The following UTP14A variants were observed in gnomAD, a reference collection of about 807,000 sequenced individuals.
UTP14A encodes U3 small nucleolar RNA-associated protein 14 homolog A.
Under a neutral mutation model 57.2 loss-of-function variants are expected in UTP14A, and 5 were observed. The ratio of observed to expected loss-of-function variants is 0.09; its 90% CI spans 0.05 to 0.18. The LOEUF is 0.18. Ranked by LOEUF, UTP14A falls within the 10% of genes least tolerant of loss-of-function variation. UTP14A has a pLI of 1.00. For missense variants in UTP14A, 430 were observed against 562.1 expected (o/e 0.76, Z 2.38); for synonymous variants, 169 against 210.9 (o/e 0.80, Z 1.72).
At chrX:129,908,023 C>T (rs765769680) in intron 2 of UTP14A, 37 bp from the exon 3 acceptor site, 73 of 1,099,138 alleles carry the variant, frequency 6.6e-5, no homozygotes, top group Non-Finnish European at 8.5e-5. Context: ...TTTTCCCTCC[C>T]CCTCATCCTG....
At chrX:129,917,412 C>T in intron 6 of UTP14A, among the ~76,000 whole-genome samples, 1 of 111,589 alleles carries the variant, frequency 9.0e-6, no homozygotes, top group Admixed American at 9.6e-5. Context: ...TTGAAGAAAA[C>T]CACACATAAT....
At position 129,917,973 on chromosome X, in the gene UTP14A, C is replaced by T. The variant is rs569428017; in HGVS notation, c.538-1202C>T. Among the ~76,000 whole-genome samples, 9 of 112,578 alleles carry T rather than the reference C, an allele frequency of 8.0e-5. No homozygotes were observed. In the South Asian group the frequency reaches 1.1e-3, roughly 13 times the overall value. ...CATCAGTAATTAATGATACCAAGAACACTTATATGCATGGTTTATAGCAGT... is the reference window on the plus strand; with the variant it reads ...CATCAGTAATTAATGATACCAAGAATACTTATATGCATGGTTTATAGCAGT... On this transcript the variant is annotated intron_variant, in intron 6 of 14. Transcript: ENST00000394422.
At chrX:129,914,106 G>A (rs1014281771) in intron 6 of UTP14A, among the ~76,000 whole-genome samples, 1 of 111,968 alleles carries the variant, frequency 8.9e-6, no homozygotes, top group South Asian at 3.7e-4. Context: ...ATACCATGCC[G>A]TTCATTCATT....
Position 129,929,727 on chromosome X carries a change from T to A in UTP14A, c.*119T>A, listed in dbSNP as rs777693507. 1.1e-3 allele frequency: 1,013 copies of A among 906,597 alleles called. 1 individual carries two copies. Among genetic ancestry groups the A allele is most frequent in the African/African-American group, 2.8e-3 (139 of 49,636 alleles). The allele number at this position is 906,597 out of a possible 1,213,427, so 74.7% of individuals were successfully genotyped here. On this transcript the variant is annotated 3_prime_UTR_variant, in exon 15 of 15. Transcript: ENST00000394422. ...CATTGCATGTAGTTAAGCCACATTTTAAAAATAAAGGCATTTTTTAATCTA... is the reference window on the plus strand; with the variant it reads ...CATTGCATGTAGTTAAGCCACATTTAAAAAATAAAGGCATTTTTTAATCTA...
intron 6 of UTP14A, among the ~76,000 whole-genome samples, chrX:129,912,818 CTAAGTA>C (rs1198738440): frequency 1.8e-5 from 2 of 111,987 alleles, no homozygotes; most frequent in Non-Finnish European, 3.8e-5. Flanking sequence ...AAGGATAATT[CTAAGTA>C]TGTTTGTTTG....
chrX:129,912,454 A>G (rs986695083), intron 6 of UTP14A, among the ~76,000 whole-genome samples: 4 of 109,707 alleles, frequency 3.6e-5, no homozygotes, highest in Non-Finnish European at 3.8e-5. Context: ...TGTAGTATAC[A>G]GTACTTGCTA....
chrX:129,915,096 T>C, intron 6 of UTP14A, among the ~76,000 whole-genome samples: 1 of 111,945 alleles, frequency 8.9e-6, no homozygotes, highest in Admixed American at 9.5e-5. Flanking sequence ...ATGCCTGTAA[T>C]CCCAGCTACT....
chrX:129,923,415 C>T (rs747916212), intron 11 of UTP14A, among the ~76,000 whole-genome samples: 3 of 112,464 alleles, frequency 2.7e-5, no homozygotes, highest in South Asian at 7.3e-4. Flanking sequence ...GCTGGGATTA[C>T]AGGCATATGC....
chrX:129,906,500 T>C (rs1929263178), intron 1 of UTP14A, among the ~76,000 whole-genome samples: 1 of 111,708 alleles, frequency 9.0e-6, no homozygotes. Context: ...GTGTTTCACA[T>C]TTTTCGTCAC....
intron 10 of UTP14A, 143 bp from the exon 11 acceptor site, chrX:129,921,051 G>A (rs930609674): frequency 1.2e-5 from 13 of 1,104,872 alleles, no homozygotes; most frequent in Middle Eastern, 3.7e-4. Flanking sequence ...ACCCAGCATT[G>A]TATATGCAGT....
Position 129,925,159 on chromosome X carries a change from C to G in UTP14A, c.1713C>G (p.Ser571=). 8.3e-7 allele frequency: 1 copy of G among 1,211,097 alleles called. No homozygotes were observed. Among genetic ancestry groups the G allele is most frequent in the Non-Finnish European group, 1.1e-6 (1 of 895,267 alleles). ...ACCTCCTAACCACACAATCTCCCTC[C>G]GTGAAGTCTTTGGCAGTTCCCACAA... ...LQNLLTTQSP[S]VKSLAVPTIE... is the part of the protein sequence containing the mutation. Residue 571 remains serine (S), a synonymous_variant, in exon 12 of 15, where the codon TCC becomes TCG. Coordinates refer to ENST00000394422, the MANE Select transcript of UTP14A (RefSeq NM_006649.4).
intron 6 of UTP14A, chrX:129,913,288 G>A (rs1929548556): frequency 3.1e-6 from 1 of 317,686 alleles, no homozygotes; most frequent in Admixed American, 3.6e-5. Flanking sequence ...TTTTGCTGAA[G>A]TCACTACCAT....
chrX:129,926,705 C>T (rs779545082), intron 14 of UTP14A, among the ~76,000 whole-genome samples: 3 of 111,760 alleles, frequency 2.7e-5, no homozygotes, highest in Non-Finnish European at 3.8e-5. Context: ...AGCGTGATTA[C>T]GGTGTTCAAG....
In UTP14A at chrX:129,919,249, G is replaced by T. The variant is rs771290653; in HGVS notation, c.612G>T (p.Leu204=). Residue 204 remains leucine (L), a synonymous_variant, in exon 7 of 15, where the codon CTG becomes CTT. Coordinates refer to ENST00000394422, the MANE Select transcript of UTP14A (RefSeq NM_006649.4). ...KNKQPVTDPL[L]TPVEKASLRA... Reference sequence around the variant, plus strand: ...AGCAGCCAGTGACAGACCCTTTACTGACCCCTGTGGAAAAGGCCTCTCTCC... The same window carrying T: ...AGCAGCCAGTGACAGACCCTTTACTTACCCCTGTGGAAAAGGCCTCTCTCC... The T allele has an allele frequency of 5.8e-6, 7 of 1,211,369 alleles. No homozygotes were observed. In the Admixed American group the frequency reaches 1.5e-4, roughly 26 times the overall value.
At position 129,927,983 on chromosome X, in the gene UTP14A, G is replaced by A. The variant is rs114295655; in HGVS notation, c.2044-1353G>A. Among the ~76,000 whole-genome samples, 831 of 111,184 alleles carry A rather than the reference G, an allele frequency of 7.5e-3. 12 individuals are homozygous for A. Among genetic ancestry groups the A allele is most frequent in the African/African-American group, 0.026 (788 of 30,587 alleles). On this transcript the variant is annotated intron_variant, in intron 14 of 14. Transcript: ENST00000394422. ...CCAATGCTGCTCCTCATTTACTTAGGTCCATCACTTCCCCCCTCTAAGCCA... is the reference window on the plus strand; with the variant it reads ...CCAATGCTGCTCCTCATTTACTTAGATCCATCACTTCCCCCCTCTAAGCCA...
chrX:129,918,587 T>C, intron 6 of UTP14A, among the ~76,000 whole-genome samples: 1 of 111,135 alleles, frequency 9.0e-6, no homozygotes. Flanking sequence ...TAACATATAT[T>C]GGTAATCTGG....
At position 129,911,124 on chromosome X, in the gene UTP14A, C is replaced by T; in HGVS notation, c.355C>T (p.Pro119Ser). ...RVKSKKTVEL[P>S]LNKEEIERIH... is the part of the protein sequence containing the mutation. ...CAAATCAAAGAAGACAGTGGAGTTACCTCTGAACAAAGAAGAGATTGAACG... is the reference window on the plus strand; with the variant it reads ...CAAATCAAAGAAGACAGTGGAGTTATCTCTGAACAAAGAAGAGATTGAACG... The change falls in exon 5 of 15, where the codon CCT becomes TCT. Residue 119 changes from proline (P) to serine (S), a missense_variant. Around this residue, in one of 4 missense-constraint regions of UTP14A, gnomAD observed 145 missense variants for 153.5 expected, o/e 0.94. Coordinates refer to ENST00000394422, the MANE Select transcript of UTP14A (RefSeq NM_006649.4). 1 of 1,209,506 alleles carries T rather than the reference C, an allele frequency of 8.3e-7. No individual in the cohort carries two copies. Among genetic ancestry groups the T allele is most frequent in the Non-Finnish European group, 1.1e-6 (1 of 894,691 alleles).
Position 129,920,438 on chromosome X carries a change from T to C in UTP14A, c.753-19T>C. 1 of 1,211,728 alleles carries C rather than the reference T, an allele frequency of 8.3e-7. No individual in the cohort carries two copies. Among genetic ancestry groups the C allele is most frequent in the South Asian group, 1.8e-5 (1 of 57,011 alleles). On this transcript the variant is annotated intron_variant, in intron 8 of 14. Transcript: ENST00000394422. ...GTGCTTCAGCTAAATTGCTAAACTC[T>C]TCCCTCCTACCCCTACAGGTATCAC...
chrX:129,908,070 A>G lies in UTP14A; in HGVS notation c.113A>G (p.Asp38Gly), dbSNP rs1212556805. 8.3e-7 allele frequency: 1 copy of G among 1,206,004 alleles called. No homozygotes were observed. The highest frequency in any genetic ancestry group is 3.0e-5 in the East Asian group (1 of 33,584). Reference protein sequence around the residue: ...LSESEDEGDNDGERKHQKLLE... With the variant: ...LSESEDEGDNGGERKHQKLLE... The stretch of plus-strand genomic sequence containing the variant: ...TTTTCTGTGTCTTAGGGGGACAATG[A>G]TGGAGAGAGAAAGCATCAAAAGCTT... Residue 38 changes from aspartate (D) to glycine (G), a missense_variant, in exon 3 of 15, where the codon GAT (aspartate) becomes GGT (glycine). By Grantham distance (94) the Asp-to-Gly change is moderately conservative. Transcript: ENST00000394422.
Sources: gnomAD v4.1 joint callset for allele counts (sites outside exome capture counted in the v4.1 genomes callset) on GRCh38, gnomAD v4.1.1 for gene constraint, gnomAD v4.1.1 regional missense constraint, MANE v1.5 for transcripts, NCBI Gene and HGNC (gene_info 2026-07-23, HGNC 2026-07-21) for gene names.